IPO11: variants seen among roughly 807,000 people sequenced by gnomAD.
IPO11 encodes importin 11.
IPO11 carries 66 observed loss-of-function variants against 143.2 expected under a neutral mutation model. The observed-to-expected ratio is 0.46, with a 90% CI of 0.38 to 0.57. The LOEUF is 0.57. IPO11 is among the 20% of genes least tolerant of loss of function. The probability of loss-of-function intolerance (pLI) is 0.00; values close to 1 mark genes in which losing one functional copy is unlikely to be tolerated. For missense variants in IPO11, 1,026 were observed against 1,141.0 expected (o/e 0.90, Z 1.45); for synonymous variants, 385 against 377.8 (o/e 1.02, Z -0.22).
Position 62,474,440 on chromosome 5 carries a change from C to T in IPO11, c.733C>T (p.Arg245Cys), listed in dbSNP as rs762219763. Reference protein sequence around the residue: ...VMGFLHGIFERLKQFLECSRS... With the variant: ...VMGFLHGIFECLKQFLECSRS... ...GGGTTTTTTACATGGAATATTTGAA[C>T]GTCTAAAACAGTTTCTGGAATGCAG... The change falls in exon 8 of 30, where the codon CGT becomes TGT. Residue 245 changes from arginine (R) to cysteine (C), a missense_variant. Coordinates refer to ENST00000325324, the MANE Select transcript of IPO11 (RefSeq NM_016338.5). 1.4e-5 allele frequency: 22 copies of T among 1,568,316 alleles called. No homozygotes were observed. Among genetic ancestry groups the T allele is most frequent in the Non-Finnish European group, 1.7e-5 (20 of 1,160,858 alleles).
At position 62,470,816 on chromosome 5, in the gene IPO11, C is replaced by CTTTTTTTTTTTTTT. The variant is rs70981015; in HGVS notation, c.708+524_708+537dup. ...TTCATTGTCTGTAGATAGCCATCTT[C>CTTTTTTTTTTTTTT]TTTTTTTTTTTTTTTTTTTTTTTTT... On this transcript the variant is annotated intron_variant, in intron 7 of 29. Transcript: ENST00000325324. Among the ~76,000 whole-genome samples the CTTTTTTTTTTTTTT allele has an allele frequency of 2.4e-3, 152 of 62,562 alleles. 24 individuals are homozygous for CTTTTTTTTTTTTTT. The highest frequency in any genetic ancestry group is 2.9e-3 in the Non-Finnish European group (106 of 37,152). The allele number at this position is 62,562 out of a possible 152,430, so 41.0% of individuals were successfully genotyped here. A position where few individuals can be genotyped will look rare whatever the true frequency, so the allele number is the denominator to read the frequency against.
At chr5:62,435,524 C>T (rs1035764189) in intron 1 of IPO11, among the ~76,000 whole-genome samples, 11 of 151,780 alleles carry the variant, frequency 7.2e-5, no homozygotes, top group Admixed American at 2.0e-4. Context: ...CTTGAGATCG[C>T]GGCTGCCGTG....
At chr5:62,445,455 A>G (rs1580187557) in intron 3 of IPO11, among the ~76,000 whole-genome samples, 2 of 152,202 alleles carry the variant, frequency 1.3e-5, no homozygotes, top group South Asian at 4.2e-4. Flanking sequence ...TTTCTTTAAT[A>G]TGTATACAAT....
intron 20 of IPO11, among the ~76,000 whole-genome samples, chr5:62,516,109 G>A (rs921665494): frequency 6.6e-6 from 1 of 152,204 alleles, no homozygotes; most frequent in Non-Finnish European, 1.5e-5. Context: ...AGATGCTCAA[G>A]TGATTTTACT....
At chr5:62,481,280 G>A (rs1445737542) in intron 9 of IPO11, among the ~76,000 whole-genome samples, 2 of 152,082 alleles carry the variant, frequency 1.3e-5, no homozygotes, top group Non-Finnish European at 2.9e-5. Context: ...GCCCTGGCCG[G>A]AACTTCCAAC....
intron 24 of IPO11, among the ~76,000 whole-genome samples, chr5:62,547,808 T>C (rs957560622): frequency 2.6e-5 from 4 of 152,158 alleles, no homozygotes; most frequent in Admixed American, 2.6e-4. Context: ...CTATGTATTA[T>C]TACTATAAAT....
intron 28 of IPO11, among the ~76,000 whole-genome samples, chr5:62,594,829 A>G (rs75069002): frequency 0.032 from 4,937 of 152,308 alleles, 124 homozygotes; most frequent in Middle Eastern, 0.065. Context: ...ACCAGGTGCA[A>G]GAGAGAAAGG....
chr5:62,474,657 A>G (rs2112206750), intron 8 of IPO11, among the ~76,000 whole-genome samples, 193 bp downstream of exon 8: 1 of 152,320 alleles, frequency 6.6e-6, no homozygotes, highest in East Asian at 1.9e-4. Context: ...AGCTGCAGAG[A>G]TCCTATATGT....
At chr5:62,519,450 G>T (rs1016778975) in intron 20 of IPO11, among the ~76,000 whole-genome samples, 7 of 152,080 alleles carry the variant, frequency 4.6e-5, no homozygotes, top group African/African-American at 1.4e-4. Flanking sequence ...TTTAAGCATT[G>T]TAGGCATTAC....
intron 16 of IPO11, among the ~76,000 whole-genome samples, chr5:62,501,122 G>A (rs1053939041): frequency 2.6e-5 from 4 of 152,170 alleles, no homozygotes; most frequent in African/African-American, 9.7e-5. Flanking sequence ...TGGGATCTGG[G>A]CAGAGGTATT....
At chr5:62,575,830 T>C (rs561748559) in intron 27 of IPO11, 2 of 152,360 alleles carry the variant, frequency 1.3e-5, no homozygotes, top group East Asian at 1.9e-4. Flanking sequence ...AAGAGGTCTA[T>C]ATTGAGATAT....
At chr5:62,561,289 T>TTCGGCCGGGCGCGGTGGA in intron 27 of IPO11, 32 bp downstream of exon 27, 1 of 1,220,820 alleles carries the variant, frequency 8.2e-7, no homozygotes, top group Non-Finnish European at 1.1e-6. Flanking sequence ...ATTTGTTTCT[T>TTCGGCCGGGCGCGGTGGA]TCAAGCATCA....
Position 62,506,370 on chromosome 5 carries a change from T to A in IPO11, c.1782+13T>A. On this transcript the variant is annotated intron_variant, in intron 19 of 29. Transcript: ENST00000325324. ...AGTCAACATGCAGGTAATTATATTG[T>A]AAAACATGAAAATAAATGAGGGGTG... The A allele has an allele frequency of 2.2e-6, 3 of 1,388,230 alleles. No individual in the cohort carries two copies. The highest frequency in any genetic ancestry group is 3.1e-6 in the Non-Finnish European group (3 of 980,592). The allele number at this position is 1,388,230 out of a possible 1,614,324, so 86.0% of individuals were successfully genotyped here.
rs774812563 is a variant in IPO11, at chr5:62,611,182, T to G, written c.2763+9334T>G. On this transcript the variant is annotated intron_variant, in intron 29 of 29. Transcript: ENST00000325324. ...GAGGCCCACAAGCTCAATGTTAAAC[T>G]TATCTCAAGTATTAGAAATACACTG... is the stretch of plus-strand genomic sequence containing the variant. Among the ~76,000 whole-genome samples the G allele has an allele frequency of 1.9e-4, 29 of 152,284 alleles. No individual in the cohort carries two copies. The South Asian group carries it at 2.1e-3, about 11-fold the overall frequency.
chr5:62,591,912 C>G (rs552977473), intron 28 of IPO11, among the ~76,000 whole-genome samples: 47 of 152,240 alleles, frequency 3.1e-4, no homozygotes, highest in Non-Finnish European at 6.0e-4. Context: ...TGCAGTGGTG[C>G]GATCTCAGCT....
intron 28 of IPO11, among the ~76,000 whole-genome samples, chr5:62,595,486 C>T (rs891553349): frequency 2.0e-5 from 3 of 152,268 alleles, no homozygotes; most frequent in African/African-American, 7.2e-5. Context: ...ACATATTGAA[C>T]AGGCATTTTA....
At chr5:62,500,194 A>T (rs780008026) in intron 16 of IPO11, among the ~76,000 whole-genome samples, 1 of 152,160 alleles carries the variant, frequency 6.6e-6, no homozygotes, top group Non-Finnish European at 1.5e-5. Context: ...CTGAGGTGGG[A>T]TTGCTTGAGC....
chr5:62,511,578 A>G (rs1353423988), intron 19 of IPO11, among the ~76,000 whole-genome samples: 1 of 152,156 alleles, frequency 6.6e-6, no homozygotes, highest in Non-Finnish European at 1.5e-5. Context: ...ACACTTCACC[A>G]CAGGAGAGGG....
At chr5:62,455,690 A>G (rs1745117537) in intron 5 of IPO11, among the ~76,000 whole-genome samples, 1 of 152,136 alleles carries the variant, frequency 6.6e-6, no homozygotes, top group African/African-American at 2.4e-5. Flanking sequence ...CAAATTACGA[A>G]ATCAGCAGTT....
Sources: gnomAD v4.1 joint callset for allele counts (sites outside exome capture counted in the v4.1 genomes callset) on GRCh38, gnomAD v4.1.1 for gene constraint, MANE v1.5 for transcripts, NCBI Gene and HGNC (gene_info 2026-07-23, HGNC 2026-07-21) for gene names.